The following LGSN variants were observed in gnomAD, a reference collection of about 807,000 sequenced individuals.
LGSN encodes the protein lengsin.
LGSN carries 21 observed loss-of-function variants against 19.5 expected under a neutral mutation model. The observed-to-expected ratio is 1.07, with a 90% CI of 0.76 to 1.55. The LOEUF is 1.55. Among genes scored for constraint, LGSN ranks in the 40% most tolerant of loss-of-function variants. LGSN has a pLI of 0.00. For synonymous variants in LGSN, 257 were observed against 215.6 expected, an observed-to-expected ratio of 1.19 and a Z score of -1.68; for missense variants, 673 against 608.5, an observed-to-expected ratio of 1.11 and a Z score of -1.12.
At chr6:63,285,527 G>C (rs1258975048) in intron 3 of LGSN, 60 bp downstream of exon 3, 1 of 1,289,684 alleles carries the variant, frequency 7.8e-7, no homozygotes, top group Non-Finnish European at 1.1e-6. Context: ...AGAGTAATAA[G>C]AACTGTTTGC....
the LGSN span, among the ~76,000 whole-genome samples, chr6:63,335,977 C>T: frequency 1.3e-5 from 2 of 152,064 alleles, no homozygotes; most frequent in Non-Finnish European, 2.9e-5. Context: ...CAATGGAATA[C>T]ACAGAAAGAC....
At chr6:63,309,191 G>A (rs1768526725) in intron 1 of LGSN, among the ~76,000 whole-genome samples, 1 of 152,136 alleles carries the variant, frequency 6.6e-6, no homozygotes, top group African/African-American at 2.4e-5. Context: ...CCAGCACTTT[G>A]GAGGCCGAGG....
chr6:63,540,759 G>T, the LGSN span, among the ~76,000 whole-genome samples: 9 of 151,844 alleles, frequency 5.9e-5, no homozygotes, highest in Non-Finnish European at 4.4e-5. Context: ...GGTTATGAGG[G>T]TGGCGGGGAG....
the LGSN span, chr6:63,481,973 G>A: frequency 6.4e-6 from 1 of 156,220 alleles, no homozygotes; most frequent in Non-Finnish European, 1.4e-5. Flanking sequence ...GGAAGTGAAA[G>A]TTTTCGTTAT....
the LGSN span, among the ~76,000 whole-genome samples, chr6:63,570,265 A>G: frequency 6.6e-6 from 1 of 152,220 alleles, no homozygotes; most frequent in Non-Finnish European, 1.5e-5. Context: ...CAGGAGGCTG[A>G]GGTTGCAGTG....
the LGSN span, among the ~76,000 whole-genome samples, chr6:63,335,277 A>T: frequency 2.0e-5 from 3 of 151,916 alleles, no homozygotes; most frequent in East Asian, 5.8e-4. Context: ...TAAATTCAGA[A>T]TAGGTAAAAG....
At chr6:63,372,173 C>T in the LGSN span, among the ~76,000 whole-genome samples, 1 of 152,336 alleles carries the variant, frequency 6.6e-6, no homozygotes, top group Middle Eastern at 3.4e-3. Flanking sequence ...AAACAGACTC[C>T]TCTGGGGCTA....
chr6:63,433,494 T>G, the LGSN span, among the ~76,000 whole-genome samples: 12 of 152,238 alleles, frequency 7.9e-5, no homozygotes, highest in Non-Finnish European at 2.9e-5. Flanking sequence ...TAAATATGAT[T>G]GCATGCTGCC....
At chr6:63,489,745 C>G in the LGSN span, among the ~76,000 whole-genome samples, 36 of 151,440 alleles carry the variant, frequency 2.4e-4, no homozygotes, top group Non-Finnish European at 2.9e-4. Flanking sequence ...TCTCACTCTG[C>G]ACCCAGGCTG....
chr6:63,453,645 T>G, the LGSN span, among the ~76,000 whole-genome samples: 1 of 152,032 alleles, frequency 6.6e-6, no homozygotes, highest in Non-Finnish European at 1.5e-5. Context: ...TGAACAAACA[T>G]CTGTCATTAT....
chr6:63,362,605 C>T, the LGSN span, among the ~76,000 whole-genome samples: 33 of 152,320 alleles, frequency 2.2e-4, no homozygotes, highest in Admixed American at 7.8e-4. Flanking sequence ...ACTGCTAGCA[C>T]AGCAGTCTGA....
the LGSN span, among the ~76,000 whole-genome samples, chr6:63,536,103 C>T: frequency 4.6e-5 from 7 of 151,686 alleles, no homozygotes; most frequent in Admixed American, 2.0e-4. Context: ...AGGCCGAGGC[C>T]GGTGCATCAC....
chr6:63,366,099 C>T, the LGSN span, among the ~76,000 whole-genome samples: 1 of 152,224 alleles, frequency 6.6e-6, no homozygotes, highest in African/African-American at 2.4e-5. Flanking sequence ...GGCACTCAGG[C>T]AGGAGAAAGA....
chr6:63,428,683 C>A, the LGSN span, among the ~76,000 whole-genome samples: 14 of 152,190 alleles, frequency 9.2e-5, no homozygotes, highest in Non-Finnish European at 1.9e-4. Flanking sequence ...CAGGACATTC[C>A]AGCACAGCCT....
At chr6:63,475,011 T>G in the LGSN span, among the ~76,000 whole-genome samples, 9 of 151,872 alleles carry the variant, frequency 5.9e-5, no homozygotes, top group Non-Finnish European at 1.3e-4. Context: ...AAGTTTAATA[T>G]GCAAACGAAA....
the LGSN span, chr6:63,441,166 G>A: frequency 3.8e-5 from 8 of 212,214 alleles, no homozygotes; most frequent in South Asian, 7.6e-5. Context: ...CCGAGATTGC[G>A]CATTGCACTC....
At chr6:63,305,380 C>T (rs924298747) in intron 1 of LGSN, among the ~76,000 whole-genome samples, 4 of 152,160 alleles carry the variant, frequency 2.6e-5, no homozygotes, top group African/African-American at 9.7e-5. Context: ...CAGTCAACCT[C>T]TCAATCTTAA....
At chr6:63,442,440 C>T in the LGSN span, among the ~76,000 whole-genome samples, 6 of 136,288 alleles carry the variant, frequency 4.4e-5, no homozygotes, top group African/African-American at 2.5e-5. Flanking sequence ...CTGATTGGTC[C>T]GTTTTGACAG....
the LGSN span, among the ~76,000 whole-genome samples, chr6:63,406,355 A>G: frequency 7.7e-4 from 117 of 152,204 alleles, no homozygotes; most frequent in African/African-American, 2.6e-3. Context: ...ATCAAACTAC[A>G]ACTCAGGATT....
Sources: allele counts gnomAD v4.1 joint callset (sites outside exome capture counted in the v4.1 genomes callset), GRCh38; gene constraint gnomAD v4.1.1; transcripts MANE v1.5; gene names NCBI Gene and HGNC (gene_info 2026-07-23, HGNC 2026-07-21).